Variants in ADAMTSL2 observed in about 807,000 individuals in gnomAD.
ADAMTSL2 encodes the protein ADAMTS-like protein 2.
In ADAMTSL2, 55 loss-of-function variants were observed where a neutral mutation model predicts 117.0. The ratio of observed to expected loss-of-function variants is 0.47; its 90% CI spans 0.38 to 0.59. ADAMTSL2 has a LOEUF of 0.59. ADAMTSL2 is among the 20% of genes least tolerant of loss of function. The probability of loss-of-function intolerance (pLI) is 0.00; values close to 1 mark genes in which losing one functional copy is unlikely to be tolerated. For missense variants in ADAMTSL2, 1,182 were observed against 1,354.5 expected, an observed-to-expected ratio of 0.87 and a Z score of 2.00; for synonymous variants, 572 against 566.4, an observed-to-expected ratio of 1.01 and a Z score of -0.14.
intron 8 of ADAMTSL2, among the ~76,000 whole-genome samples, chr9:133,546,780 A>G (rs1455673220): frequency 6.6e-6 from 1 of 152,206 alleles, no homozygotes; most frequent in African/African-American, 2.4e-5. Context: ...CCACAAGAAC[A>G]GGACCAAATG....
chr9:133,544,444 G>T, intron 7 of ADAMTSL2, 26 bp from the exon 8 acceptor site: 1 of 1,590,442 alleles, frequency 6.3e-7, no homozygotes, highest in African/African-American at 1.3e-5. Flanking sequence ...ATCAAGAGGG[G>T]CTCACTGTCA....
chr9:133,568,092 G>A (rs963861638), intron 13 of ADAMTSL2, among the ~76,000 whole-genome samples, 181 bp from the exon 14 acceptor site: 20 of 152,220 alleles, frequency 1.3e-4, no homozygotes, highest in African/African-American at 2.7e-4. Flanking sequence ...CTCCGGGGCC[G>A]TCATGGCCCA....
At chr9:133,551,831 T>C (rs1830492307) in intron 9 of ADAMTSL2, among the ~76,000 whole-genome samples, 1 of 149,066 alleles carries the variant, frequency 6.7e-6, no homozygotes, top group African/African-American at 2.5e-5. Context: ...TTTTTTTTTT[T>C]TTTTTTTGTT....
intron 7 of ADAMTSL2, among the ~76,000 whole-genome samples, chr9:133,541,240 G>A (rs929113067): frequency 1.3e-5 from 2 of 152,140 alleles, no homozygotes; most frequent in Admixed American, 6.5e-5. Context: ...ACTTGGCTTG[G>A]GGGTCACATT....
intron 7 of ADAMTSL2, among the ~76,000 whole-genome samples, chr9:133,542,956 T>C (rs955416861): frequency 6.6e-5 from 10 of 150,648 alleles, no homozygotes; most frequent in Non-Finnish European, 1.3e-4. Flanking sequence ...CTATAACTAT[T>C]TTTTTTTTTG....
chr9:133,543,605 A>T (rs1830276468), intron 7 of ADAMTSL2, among the ~76,000 whole-genome samples: 1 of 152,146 alleles, frequency 6.6e-6, no homozygotes, highest in Non-Finnish European at 1.5e-5. Flanking sequence ...TAGGGGAGGG[A>T]TGGCAGGCGG....
chr9:133,550,751 C>T (rs905717842), intron 9 of ADAMTSL2, among the ~76,000 whole-genome samples: 4 of 152,060 alleles, frequency 2.6e-5, no homozygotes, highest in Non-Finnish European at 4.4e-5. Flanking sequence ...GTGCTGGGGC[C>T]ACATGTAGCT....
At chr9:133,573,201 G>A (rs1185515047) in intron 17 of ADAMTSL2, among the ~76,000 whole-genome samples, 1 of 152,242 alleles carries the variant, frequency 6.6e-6, no homozygotes, top group Non-Finnish European at 1.5e-5. Flanking sequence ...ACATTGGGGG[G>A]AGTGTGAGGG....
At position 133,574,857 on chromosome 9, in the gene ADAMTSL2, A is replaced by T; in HGVS notation, c.2849A>T (p.His950Leu). Residue 950 changes from histidine (H) to leucine (L), a missense_variant, in exon 19 of 19, where the codon CAC becomes CTC. Transcript: ENST00000651351. ...TGCTGCCGCTCCTGCAGGCCCCCCC[A>T]CTCCTAGGCCCGGCAGCTGCAGCCC... is the stretch of plus-strand genomic sequence containing the variant. ...KACCRSCRPP[H>L]S The T allele has an allele frequency of 6.5e-7, 1 of 1,534,266 alleles. No homozygotes were observed. The highest frequency in any genetic ancestry group is 1.7e-5 in the Admixed American group (1 of 57,910).
Position 133,567,077 on chromosome 9 carries a change from G to A in ADAMTSL2, c.1874+15G>A, listed in dbSNP as rs1830990942. On this transcript the variant is annotated intron_variant, in intron 13 of 18. Transcript: ENST00000651351. ...TGCCAGCCCAGGTACCTGCCACCAG[G>A]GGCCCTGGGCAGGGGGTCGGCAGGG... 6 of 1,601,880 alleles carry A rather than the reference G, an allele frequency of 3.7e-6. No individual in the cohort carries two copies. In the Admixed American group the frequency reaches 1.0e-4, roughly 27 times the overall value.
chr9:133,536,556 C>T lies in ADAMTSL2; in HGVS notation c.-150-7C>T, dbSNP rs1336133384. On this transcript the variant is annotated splice_region_variant and splice_polypyrimidine_tract_variant and intron_variant, in intron 1 of 18. Coordinates refer to ENST00000651351, the MANE Select transcript of ADAMTSL2 (RefSeq NM_014694.4). ...GACTGAGGCGGGGGGTTCATCCTTC[C>T]CAACAGGGTCTGCCAGACAACCACG... 1.7e-5 allele frequency: 26 copies of T among 1,560,950 alleles called. No individual in the cohort carries two copies. Among genetic ancestry groups the T allele is most frequent in the Non-Finnish European group, 2.3e-5 (26 of 1,150,328 alleles).
At chr9:133,556,246 G>A (rs1007022267) in intron 11 of ADAMTSL2, among the ~76,000 whole-genome samples, 1 of 152,264 alleles carries the variant, frequency 6.6e-6, no homozygotes, top group Non-Finnish European at 1.5e-5. Flanking sequence ...AGCATGCCTT[G>A]TGAGCCAGGG....
intron 8 of ADAMTSL2, among the ~76,000 whole-genome samples, chr9:133,545,056 T>C (rs1285397752): frequency 6.6e-6 from 1 of 152,164 alleles, no homozygotes; most frequent in African/African-American, 2.4e-5. Context: ...AACCTGAGTA[T>C]TCTGGAGTTG....
intron 17 of ADAMTSL2, among the ~76,000 whole-genome samples, chr9:133,572,009 C>G: frequency 6.6e-6 from 1 of 152,106 alleles, no homozygotes; most frequent in East Asian, 1.9e-4. Context: ...GATGCAAGAT[C>G]CTAAACCTTA....
intron 9 of ADAMTSL2, among the ~76,000 whole-genome samples, chr9:133,547,607 C>G (rs745412297): frequency 6.6e-6 from 1 of 152,208 alleles, no homozygotes; most frequent in Non-Finnish European, 1.5e-5. Context: ...CCGTGCTGGC[C>G]CATTTCCTGC....
At chr9:133,563,855 G>GAA (rs1830817735) in intron 12 of ADAMTSL2, among the ~76,000 whole-genome samples, 1 of 78,706 alleles carries the variant, frequency 1.3e-5, no homozygotes, top group Non-Finnish European at 2.7e-5. Flanking sequence ...GAGAGAGAGA[G>GAA]AGAGAGAGGG....
At chr9:133,571,579 G>A (rs1436633492) in intron 17 of ADAMTSL2, among the ~76,000 whole-genome samples, 1 of 152,200 alleles carries the variant, frequency 6.6e-6, no homozygotes, top group Non-Finnish European at 1.5e-5. Context: ...CCATGTGCCA[G>A]TGGGTGCCCC....
Position 133,547,048 on chromosome 9 carries a change from C to T in ADAMTSL2, c.774C>T (p.Asp258=), listed in dbSNP as rs2073874. The part of the protein sequence containing the change: ...KKSADVLALA[D]EAGYYFFNGN... Reference sequence around the variant, plus strand: ...GCTTTGCCCTTCCAGCTCTTGCAGACGAAGCTGGCTACTACTTCTTCAACG... The same window carrying T: ...GCTTTGCCCTTCCAGCTCTTGCAGATGAAGCTGGCTACTACTTCTTCAACG... The change falls in exon 9 of 19, where the codon GAC becomes GAT. Residue 258 remains aspartate, a synonymous_variant. Coordinates refer to ENST00000651351, the MANE Select transcript of ADAMTSL2 (RefSeq NM_014694.4). 1,421,958 of 1,613,840 alleles carry T rather than the reference C, an allele frequency of 0.88. 634,047 individuals are homozygous for T. The highest frequency in any genetic ancestry group is 0.92 in the Non-Finnish European group (1,088,464 of 1,179,908).
At chr9:133,567,839 G>A (rs752603062) in intron 13 of ADAMTSL2, among the ~76,000 whole-genome samples, 98 of 152,298 alleles carry the variant, frequency 6.4e-4, no homozygotes, top group South Asian at 3.7e-3. Flanking sequence ...AAGACTTCCG[G>A]GTCTCACTCA....
Sources: gnomAD v4.1 joint callset for allele counts (sites outside exome capture counted in the v4.1 genomes callset) on GRCh38, gnomAD v4.1.1 for gene constraint, MANE v1.5 for transcripts, NCBI Gene and HGNC (gene_info 2026-07-23, HGNC 2026-07-21) for gene names.